Variants in LNX1 observed in about 807,000 individuals in gnomAD.
LNX1 encodes the protein E3 ubiquitin-protein ligase LNX.
In LNX1, 54 loss-of-function variants were observed where a neutral mutation model predicts 68.4. That is an observed-to-expected ratio of 0.79 (90% confidence interval 0.63 to 0.99). The LOEUF (loss-of-function observed/expected upper bound fraction) is 0.99, where lower values mean the gene tolerates loss of function less well. Among genes scored for constraint, LNX1 ranks in the 50% least tolerant of loss-of-function variants. The pLI, the probability that LNX1 is intolerant of heterozygous loss-of-function variation, is 0.00. For synonymous variants in LNX1, 336 were observed against 350.0 expected (o/e 0.96, Z 0.45); for missense variants, 906 against 926.4 (o/e 0.98, Z 0.29).
At chr4:53,559,712 A>G (rs983265836) in intron 2 of LNX1, among the ~76,000 whole-genome samples, 1 of 151,972 alleles carries the variant, frequency 6.6e-6, no homozygotes, top group Non-Finnish European at 1.5e-5. Flanking sequence ...CTGTGTCACA[A>G]TTATACCTCA....
At chr4:53,579,346 T>A (rs1285536376) in intron 1 of LNX1, 2 of 819,718 alleles carry the variant, frequency 2.4e-6, no homozygotes, top group African/African-American at 3.7e-5. Flanking sequence ...TGATCTGGAA[T>A]AGGACAGAAA....
intron 1 of LNX1, chr4:53,575,678 C>T (rs1242285872): frequency 3.6e-6 from 5 of 1,389,086 alleles, no homozygotes; most frequent in Admixed American, 5.1e-5. Flanking sequence ...TGGGACCCAC[C>T]CCCTGGGCTG....
chr4:53,609,457 G>A (rs1200148626), intron 2 of LNX1, among the ~76,000 whole-genome samples: 3 of 150,394 alleles, frequency 2.0e-5, no homozygotes, highest in Admixed American at 2.0e-4. Flanking sequence ...TCTTTGAACT[G>A]TATTGGAAAG....
intron 2 of LNX1, among the ~76,000 whole-genome samples, chr4:53,511,782 A>T (rs923139363): frequency 2.6e-5 from 4 of 152,318 alleles, no homozygotes; most frequent in Admixed American, 6.5e-5. Flanking sequence ...CTCAGATGTG[A>T]TTCACAGACG....
At chr4:53,609,901 A>G (rs1733411486) in intron 2 of LNX1, among the ~76,000 whole-genome samples, 1 of 150,708 alleles carries the variant, frequency 6.6e-6, no homozygotes, top group Non-Finnish European at 1.5e-5. Context: ...AATTTTTATT[A>G]TAAATACTTT....
At chr4:53,530,884 C>T (rs368664273) in intron 2 of LNX1, among the ~76,000 whole-genome samples, 5 of 152,162 alleles carry the variant, frequency 3.3e-5, no homozygotes, top group South Asian at 4.2e-4. Flanking sequence ...TAAAATGAGG[C>T]CAGGCATAGT....
At chr4:53,547,391 TA>T (rs1205039641) in intron 2 of LNX1, among the ~76,000 whole-genome samples, 3 of 152,184 alleles carry the variant, frequency 2.0e-5, no homozygotes, top group African/African-American at 7.2e-5. Context: ...TATTCCCATT[TA>T]TAGGTGAGAA....
At chr4:53,608,663 A>T (rs1291610494) in intron 2 of LNX1, among the ~76,000 whole-genome samples, 3 of 152,208 alleles carry the variant, frequency 2.0e-5, no homozygotes, top group African/African-American at 7.2e-5. Flanking sequence ...ATGCACATGT[A>T]TGTTAATTGC....
exon 1 of LNX1, chr4:53,652,386 A>G (rs1247325411): frequency 1.3e-5 from 2 of 152,250 alleles, no homozygotes; most frequent in Non-Finnish European, 2.9e-5. Flanking sequence ...AGTAGAGCAG[A>G]TCCATAAAAC....
chr4:53,605,253 T>C (rs1378166792), intron 2 of LNX1, among the ~76,000 whole-genome samples: 1 of 152,252 alleles, frequency 6.6e-6, no homozygotes, highest in East Asian at 1.9e-4. Context: ...TACAATCTAC[T>C]GCAACAGATG....
At chr4:53,574,355 T>C (rs1731357355) in intron 1 of LNX1, among the ~76,000 whole-genome samples, 1 of 152,128 alleles carries the variant, frequency 6.6e-6, no homozygotes, top group African/African-American at 2.4e-5. Flanking sequence ...TTGGGTAATA[T>C]CTGGGAAATG....
In LNX1 at chr4:53,495,548, C is replaced by CTTTTTTTTTTTTTTTTTTTTTTT. The variant is rs199684639; in HGVS notation, c.1350+474_1350+475insAAAAAAAAAAAAAAAAAAAAAAA. Among the ~76,000 whole-genome samples, 142 of 119,390 alleles carry CTTTTTTTTTTTTTTTTTTTTTTT rather than the reference C, an allele frequency of 1.2e-3. 13 individuals carry two copies. Among genetic ancestry groups the CTTTTTTTTTTTTTTTTTTTTTTT allele is most frequent in the Non-Finnish European group, 2.0e-3 (112 of 57,108 alleles). 78.3% of individuals were successfully genotyped at this position (119,390 alleles called of 152,430 possible). On this transcript the variant is annotated intron_variant, in intron 6 of 10. Transcript: ENST00000263925. ...GATCCCTGGAGAATGCATGGCATAGCTTTTTTTTTTTTTAAGATGGGTCTT... is the reference window on the plus strand; with the variant it reads ...GATCCCTGGAGAATGCATGGCATAGCTTTTTTTTTTTTTTTTTTTTTTTTTTTTTTTTTTTTAAGATGGGTCTT...
chr4:53,460,283 AAC>A lies in LNX1; in HGVS notation c.*622_*623del. On this transcript the variant is annotated 3_prime_UTR_variant, in exon 11 of 11. Transcript: ENST00000263925. ...TTTAGCCATTTCTTACTAAAAACAA[AAC>A]AAGTTTATAATTAATTCTCTGAGCG... 5.2e-6 allele frequency: 1 copy of A among 191,376 alleles called. No homozygotes were observed. The highest frequency in any genetic ancestry group is 1.1e-5 in the Non-Finnish European group (1 of 91,472). 11.9% of individuals were successfully genotyped at this position (191,376 alleles called of 1,614,324 possible).
intron 7 of LNX1, 128 bp downstream of exon 7, chr4:53,481,592 A>C: frequency 9.2e-7 from 1 of 1,085,452 alleles, no homozygotes; most frequent in South Asian, 1.7e-5. Context: ...TTGGGCTTTT[A>C]GTTTTACAAG....
chr4:53,512,383 A>T (rs1263469747), intron 2 of LNX1, among the ~76,000 whole-genome samples: 1 of 152,198 alleles, frequency 6.6e-6, no homozygotes, highest in Non-Finnish European at 1.5e-5. Context: ...GTAATTAAAA[A>T]AAACTGCCAA....
intron 6 of LNX1, among the ~76,000 whole-genome samples, chr4:53,488,378 C>A (rs1367330157): frequency 9.2e-5 from 14 of 152,244 alleles, no homozygotes; most frequent in African/African-American, 3.4e-4. Context: ...TCTCTTAGCT[C>A]TTTCCCTTTC....
chr4:53,514,505 T>C (rs1165170689), intron 2 of LNX1, among the ~76,000 whole-genome samples: 2 of 146,678 alleles, frequency 1.4e-5, no homozygotes, highest in Non-Finnish European at 3.0e-5. Flanking sequence ...TGTGGGGAAC[T>C]CTCCTTTATA....
At chr4:53,616,295 T>C (rs894264858) in intron 2 of LNX1, among the ~76,000 whole-genome samples, 3 of 152,222 alleles carry the variant, frequency 2.0e-5, no homozygotes, top group African/African-American at 4.8e-5. Flanking sequence ...AACTCCTATA[T>C]ACCATACACT....
chr4:53,596,293 C>T (rs1454942563), upstream of LNX1, among the ~76,000 whole-genome samples: 1 of 152,120 alleles, frequency 6.6e-6, no homozygotes, highest in Admixed American at 6.6e-5. Flanking sequence ...TCTAGGGTAA[C>T]CTGTGGACCT....
Sources: allele counts gnomAD v4.1 joint callset (sites outside exome capture counted in the v4.1 genomes callset), GRCh38; gene constraint gnomAD v4.1.1; transcripts MANE v1.5; gene names NCBI Gene and HGNC (gene_info 2026-07-23, HGNC 2026-07-21).